PRKN: variants seen among roughly 807,000 people sequenced by gnomAD.
PRKN encodes the protein parkin RBR E3 ubiquitin protein ligase, also known as E3 ubiquitin-protein ligase parkin.
In PRKN, 56 loss-of-function variants were observed where a neutral mutation model predicts 59.5. The observed-to-expected ratio is 0.94, with a 90% confidence interval of 0.76 to 1.18. The LOEUF (loss-of-function observed/expected upper bound fraction) is 1.18. Among genes scored for constraint, PRKN ranks in the 50% most tolerant of loss-of-function variants. PRKN has a pLI of 0.00. For synonymous variants in PRKN, 250 were observed against 222.1 expected, an observed-to-expected ratio of 1.13 and a Z score of -1.12; for missense variants, 657 against 596.4, an observed-to-expected ratio of 1.10 and a Z score of -1.06.
chr6:161,450,564 C>CT (rs59477963), intron 9 of PRKN, among the ~76,000 whole-genome samples: 17,033 of 149,830 alleles, frequency 0.11, 1,070 homozygotes, highest in African/African-American at 0.15. Flanking sequence ...CTTTTTCTTC[C>CT]TTTTTTTTTT....
intron 9 of PRKN, among the ~76,000 whole-genome samples, chr6:161,476,047 C>G (rs1283212598): frequency 6.6e-6 from 1 of 151,740 alleles, no homozygotes; most frequent in Admixed American, 6.6e-5. Flanking sequence ...ATTAGCCGGG[C>G]GTGGTGGCGG....
At chr6:161,583,688 T>G (rs1781426150) in intron 7 of PRKN, among the ~76,000 whole-genome samples, 1 of 152,154 alleles carries the variant, frequency 6.6e-6, no homozygotes, top group Non-Finnish European at 1.5e-5. Flanking sequence ...TCAATACACA[T>G]AGGATATTAA....
rs145892416 is a variant in PRKN at position 162,348,425 on chromosome 6, G to T, written c.172-85660C>A. 2.4e-3 allele frequency among the ~76,000 whole-genome samples: 366 copies of T among 152,214 alleles called. 1 individual carries two copies. The highest frequency in any genetic ancestry group is 8.5e-3 in the African/African-American group (353 of 41,534). ...CATAAGTCACAATATCTGATATCCA[G>T]ATATTGTGGTCAACAGAAACTGACG... On this transcript the variant is annotated intron_variant, in intron 2 of 11. Transcript: ENST00000366898.
intron 1 of PRKN, among the ~76,000 whole-genome samples, chr6:162,543,754 A>G (rs1349981776): frequency 6.6e-6 from 1 of 152,050 alleles, no homozygotes; most frequent in Non-Finnish European, 1.5e-5. Context: ...TGAGTCCTAG[A>G]GCTTTCATCA....
chr6:162,109,477 C>T lies in PRKN; in HGVS notation c.535-55303G>A, dbSNP rs114867034. 2.7e-3 allele frequency among the ~76,000 whole-genome samples: 411 copies of T among 152,198 alleles called. 2 individuals carry two copies. Among genetic ancestry groups the T allele is most frequent in the African/African-American group, 9.3e-3 (386 of 41,538 alleles). On this transcript the variant is annotated intron_variant, in intron 4 of 11. Coordinates refer to ENST00000366898, the MANE Select transcript of PRKN (RefSeq NM_004562.3). ...GGACGCAAGGCAGCCCTGGCCAGGA[C>T]GATGAGGGGCAGAGATGATACAGGG...
intron 3 of PRKN, among the ~76,000 whole-genome samples, chr6:162,224,075 A>G (rs1349644890): frequency 6.7e-6 from 1 of 149,756 alleles, no homozygotes; most frequent in East Asian, 2.0e-4. Context: ...ATACTCCTCC[A>G]TACCCCAAAA....
At chr6:161,819,563 T>C (rs904727854) in intron 6 of PRKN, among the ~76,000 whole-genome samples, 2 of 152,176 alleles carry the variant, frequency 1.3e-5, no homozygotes, top group African/African-American at 4.8e-5. Flanking sequence ...AACTCCTAAA[T>C]GTTTCTTGTA....
At chr6:162,640,572 T>C (rs1777920236) in intron 1 of PRKN, among the ~76,000 whole-genome samples, 2 of 152,206 alleles carry the variant, frequency 1.3e-5, no homozygotes, top group African/African-American at 4.8e-5. Context: ...AACAGCAACA[T>C]ATCTAAACAA....
At chr6:161,672,580 A>T (rs1242270619) in intron 7 of PRKN, among the ~76,000 whole-genome samples, 1 of 152,190 alleles carries the variant, frequency 6.6e-6, no homozygotes, top group Non-Finnish European at 1.5e-5. Flanking sequence ...GTTCGAGACC[A>T]GCCTGGACAA....
Position 161,438,926 on chromosome 6 carries a change from G to C in PRKN, c.1084-52049C>G, listed in dbSNP as rs1247653205. ...CACATGAGAGGCTTAAAAAGGTAGG[G>C]GTTGTATGTTCTCAGCACTGCAGCT... On this transcript the variant is annotated intron_variant, in intron 9 of 11. Coordinates refer to ENST00000366898, the MANE Select transcript of PRKN (RefSeq NM_004562.3). 3.3e-5 allele frequency among the ~76,000 whole-genome samples: 5 copies of C among 151,982 alleles called. No individual in the cohort carries two copies. In the East Asian group the frequency reaches 9.6e-4, roughly 29 times the overall value.
rs1784822955 is a variant in PRKN, at chr6:161,357,907, T to A, written c.1285+2181A>T. Among the ~76,000 whole-genome samples, 1 of 152,200 alleles carries A rather than the reference T, an allele frequency of 6.6e-6. No individual in the cohort carries two copies. The highest frequency in any genetic ancestry group is 2.4e-5 in the African/African-American group (1 of 41,438). On this transcript the variant is annotated intron_variant, in intron 11 of 11. Transcript: ENST00000366898. This position sits in a 1 kb window ranked among gnomAD's most constrained non-coding sequence, Gnocchi z 5.5. ...TGTGAGGAAGTCCCATTGAAACCCA[T>A]CTTATGAACGAGCAAACTGGTGCTC...
chr6:161,736,431 T>G (rs1056405798), intron 7 of PRKN, among the ~76,000 whole-genome samples: 5 of 152,182 alleles, frequency 3.3e-5, no homozygotes, highest in Non-Finnish European at 7.3e-5. Context: ...AGGACTGCAG[T>G]TGTTCAGTGG....
At chr6:162,658,061 G>A (rs1778718396) in intron 1 of PRKN, among the ~76,000 whole-genome samples, 5 of 152,120 alleles carry the variant, frequency 3.3e-5, no homozygotes, top group Admixed American at 3.3e-4. Flanking sequence ...AACTCTTGTG[G>A]CAAAATCAAA....
At position 161,912,374 on chromosome 6, in the gene PRKN, T is replaced by G. The variant is rs184489367; in HGVS notation, c.734+60928A>C. On this transcript the variant is annotated intron_variant, in intron 6 of 11. Transcript: ENST00000366898. ...TTCTTGTAGTCTGCTCTACTGGTGG[T>G]CACCAGTAAACCATTCTTGGCAAAA... 2.6e-5 allele frequency among the ~76,000 whole-genome samples: 4 copies of G among 152,080 alleles called. No homozygotes were observed. The East Asian group carries it at 7.7e-4, about 29-fold the overall frequency.
At chr6:162,361,975 A>T (rs934019520) in intron 2 of PRKN, among the ~76,000 whole-genome samples, 2 of 152,220 alleles carry the variant, frequency 1.3e-5, no homozygotes, top group Admixed American at 1.3e-4. Flanking sequence ...CATGCATATG[A>T]ATTATGAAAA....
chr6:161,535,957 A>ATT (rs10650031), intron 9 of PRKN, among the ~76,000 whole-genome samples: 112,932 of 150,022 alleles, frequency 0.75, 43,081 homozygotes, highest in Middle Eastern at 0.84. Flanking sequence ...GAACAAAAAG[A>ATT]TTTTTTTTTT....
intron 3 of PRKN, among the ~76,000 whole-genome samples, chr6:162,253,954 G>A (rs1242126964): frequency 6.6e-6 from 1 of 152,014 alleles, no homozygotes; most frequent in Non-Finnish European, 1.5e-5. Flanking sequence ...AAATTACATG[G>A]CAAACAACAA....
In PRKN at chr6:161,530,964, T is replaced by G. The variant is rs1779182717; in HGVS notation, c.1083+17890A>C. On this transcript the variant is annotated intron_variant, in intron 9 of 11. Transcript: ENST00000366898. This position sits in a 1 kb window ranked among gnomAD's most constrained non-coding sequence, Gnocchi z 5.0. ...TAACACATCAAATTTCAGTTTCATATTTTCAACTACCTACGGGATATTTTA... is the reference window on the plus strand; with the variant it reads ...TAACACATCAAATTTCAGTTTCATAGTTTCAACTACCTACGGGATATTTTA... Among the ~76,000 whole-genome samples the G allele has an allele frequency of 6.6e-6, 1 of 152,202 alleles. No individual in the cohort carries two copies. Among genetic ancestry groups the G allele is most frequent in the South Asian group, 2.1e-4 (1 of 4,826 alleles).
intron 6 of PRKN, among the ~76,000 whole-genome samples, chr6:161,838,662 AGCAGCGCCATT>A (rs199941622): frequency 0.013 from 1,982 of 152,248 alleles, 51 homozygotes; most frequent in African/African-American, 0.045. Context: ...CTCCCACACT[AGCAGCGCCATT>A]GCAGGAACTG....
Sources: gnomAD v4.1 joint callset for allele counts (sites outside exome capture counted in the v4.1 genomes callset) on GRCh38, gnomAD v4.1.1 for gene constraint, Gnocchi (gnomAD v3.1) non-coding constraint, MANE v1.5 for transcripts, NCBI Gene and HGNC (gene_info 2026-07-23, HGNC 2026-07-21) for gene names.